AHRR: variants seen among roughly 807,000 people sequenced by gnomAD.
AHRR encodes ahR repressor.
In AHRR, 28 loss-of-function variants were observed where a neutral mutation model predicts 44.0. That is an observed-to-expected ratio of 0.64 (90% CI 0.47 to 0.87). The LOEUF is 0.87. Among genes scored for constraint, AHRR ranks in the 40% least tolerant of loss-of-function variants. The probability of loss-of-function intolerance (pLI) is 0.00; values close to 1 mark genes in which losing one functional copy is unlikely to be tolerated. For missense variants in AHRR, 990 were observed against 953.9 expected (o/e 1.04, Z -0.50); for synonymous variants, 434 against 407.0 (o/e 1.07, Z -0.80).
chr5:422,507 TGGC>T (rs1227589283), intron 5 of AHRR: 2 of 577,576 alleles, frequency 3.5e-6, no homozygotes, highest in African/African-American at 1.9e-5. Flanking sequence ...GGGCACCACT[TGGC>T]GGGCAGACGG....
intron 4 of AHRR, among the ~76,000 whole-genome samples, chr5:400,785 G>T (rs967674250): frequency 2.0e-5 from 3 of 152,162 alleles, no homozygotes; most frequent in Non-Finnish European, 2.9e-5. Flanking sequence ...GGTTGCTTTT[G>T]GTTGTGACTA....
intron 5 of AHRR, among the ~76,000 whole-genome samples, chr5:414,775 A>G (rs1735642844): frequency 6.6e-6 from 1 of 152,276 alleles, no homozygotes; most frequent in South Asian, 2.1e-4. Context: ...AAACTTTGAA[A>G]AATAGAGAGT....
intron 1 of AHRR, among the ~76,000 whole-genome samples, chr5:332,025 T>G (rs1741939551): frequency 6.6e-6 from 1 of 152,202 alleles, no homozygotes. Flanking sequence ...AATTTTCATT[T>G]GTTTCAGCAA....
chr5:392,806 G>A (rs1226959200), intron 4 of AHRR, among the ~76,000 whole-genome samples: 2 of 152,048 alleles, frequency 1.3e-5, no homozygotes, highest in African/African-American at 4.8e-5. Flanking sequence ...GCCTTACCGC[G>A]ACTGCCTCAG....
rs900095658 is a variant in AHRR, at chr5:405,101, C to T, written c.352-8243C>T. ...GGCCCCCTCCCCCAAAGAAATGCAG[C>T]AGGTCTGACATTTCCCCATTTCTCT... On this transcript the variant is annotated intron_variant, in intron 4 of 10. Transcript: ENST00000684583. This position sits in a 1 kb window ranked among gnomAD's most constrained non-coding sequence, Gnocchi z 4.5. Among the ~76,000 whole-genome samples the T allele has an allele frequency of 6.6e-6, 1 of 152,106 alleles. No individual in the cohort carries two copies. The highest frequency in any genetic ancestry group is 1.5e-5 in the Non-Finnish European group (1 of 68,012).
chr5:384,115 T>A (rs1208370925), intron 4 of AHRR, among the ~76,000 whole-genome samples: 2 of 152,190 alleles, frequency 1.3e-5, no homozygotes, highest in African/African-American at 4.8e-5. Flanking sequence ...ATCATTGATA[T>A]TATTGGATTT....
intron 3 of AHRR, among the ~76,000 whole-genome samples, chr5:360,053 C>T (rs1743123259): frequency 6.6e-6 from 1 of 152,080 alleles, no homozygotes; most frequent in Non-Finnish European, 1.5e-5. Flanking sequence ...ATAGTGAAAC[C>T]CTAATTCCCA....
At chr5:371,333 T>C (rs563919931) in intron 3 of AHRR, among the ~76,000 whole-genome samples, 1 of 152,272 alleles carries the variant, frequency 6.6e-6, no homozygotes, top group African/African-American at 2.4e-5. Flanking sequence ...GGTTGATGTG[T>C]GACATCGGTC....
intron 5 of AHRR, chr5:420,824 GC>G (rs1560919276): frequency 9.7e-5 from 24 of 247,042 alleles, no homozygotes; most frequent in Non-Finnish European, 1.1e-4. Context: ...CACCCACGCA[GC>G]CACCCACCCA....
intron 2 of AHRR, among the ~76,000 whole-genome samples, chr5:352,662 G>C (rs1202428887): frequency 5.2e-5 from 7 of 134,850 alleles, no homozygotes; most frequent in African/African-American, 1.3e-4. Context: ...GACGGTCACT[G>C]TGAGGTTAAA....
intron 4 of AHRR, among the ~76,000 whole-genome samples, chr5:398,552 C>T (rs1372823725): frequency 6.6e-6 from 1 of 152,228 alleles, no homozygotes; most frequent in Non-Finnish European, 1.5e-5. Context: ...GGCTTGGACC[C>T]TTGCATCCCA....
chr5:376,475 G>C, intron 3 of AHRR, 135 bp from the exon 4 acceptor site: 2 of 20,332 alleles, frequency 9.8e-5, no homozygotes, highest in South Asian at 7.2e-4. Flanking sequence ...CCTGCAGAGG[G>C]GTCAGTGCAG....
Position 419,733 on chromosome 5 carries a change from TTC to T in AHRR, c.442-2994_442-2993del, listed in dbSNP as rs1483089212. Reference sequence around the variant, plus strand: ...CCATAAGAGCTGATGGGGTTGGTATTTCTGTTTGTTGCCAACCCCTGTTTACC... The same window carrying T: ...CCATAAGAGCTGATGGGGTTGGTATTTGTTTGTTGCCAACCCCTGTTTACC... On this transcript the variant is annotated intron_variant, in intron 5 of 10. Transcript: ENST00000684583. This position sits in a 1 kb window ranked among gnomAD's most constrained non-coding sequence, Gnocchi z 4.4. Among the ~76,000 whole-genome samples the T allele has an allele frequency of 1.3e-5, 2 of 152,148 alleles. No homozygotes were observed. The highest frequency in any genetic ancestry group is 4.8e-5 in the African/African-American group (2 of 41,432).
chr5:393,608 C>G (rs1205716057), intron 4 of AHRR, among the ~76,000 whole-genome samples: 2 of 151,566 alleles, frequency 1.3e-5, no homozygotes, highest in Non-Finnish European at 2.9e-5. Context: ...CTTCTGGGAG[C>G]TATTGCAATG....
chr5:370,963 G>A lies in AHRR; in HGVS notation c.245-5647G>A, dbSNP rs771872462. Reference sequence around the variant, plus strand: ...GCTCTGCAGAAAAACAGAACCGACCGGAGACAGATATGGGGAGGCTTATTA... The same window carrying A: ...GCTCTGCAGAAAAACAGAACCGACCAGAGACAGATATGGGGAGGCTTATTA... On this transcript the variant is annotated intron_variant, in intron 3 of 10. Transcript: ENST00000684583. The surrounding 1 kb of genome is among the most constrained non-coding windows in gnomAD (Gnocchi z 4.5). Among the ~76,000 whole-genome samples the A allele has an allele frequency of 4.6e-5, 7 of 152,138 alleles. No individual in the cohort carries two copies. The highest frequency in any genetic ancestry group is 6.5e-5 in the Admixed American group (1 of 15,284).
chr5:333,861 G>A (rs1194768870), intron 1 of AHRR, among the ~76,000 whole-genome samples: 4 of 152,122 alleles, frequency 2.6e-5, no homozygotes, highest in South Asian at 2.1e-4. Context: ...GGTGAATGTC[G>A]TCTTTTCACT....
chr5:333,367 A>C (rs1363147315), intron 1 of AHRR, among the ~76,000 whole-genome samples: 1 of 152,194 alleles, frequency 6.6e-6, no homozygotes, highest in African/African-American at 2.4e-5. Context: ...AGGCAGAGGC[A>C]GGTGGATCAC....
At chr5:345,439 TGG>T (rs1166661659) in intron 2 of AHRR, among the ~76,000 whole-genome samples, 4 of 115,480 alleles carry the variant, frequency 3.5e-5, no homozygotes, top group Admixed American at 8.6e-5. Context: ...TGTGCGTGTG[TGG>T]GTGTGTGTGT....
chr5:397,742 C>A (rs1734800662), intron 4 of AHRR, among the ~76,000 whole-genome samples: 1 of 124,784 alleles, frequency 8.0e-6, no homozygotes, highest in African/African-American at 3.1e-5. Context: ...GTCCACGTAG[C>A]TCCTGACCGT....
Sources: gnomAD v4.1 joint callset for allele counts (sites outside exome capture counted in the v4.1 genomes callset) on GRCh38, gnomAD v4.1.1 for gene constraint, Gnocchi (gnomAD v3.1) non-coding constraint, MANE v1.5 for transcripts, NCBI Gene and HGNC (gene_info 2026-07-23, HGNC 2026-07-21) for gene names.